The following ATXN3 variants were observed in gnomAD, a reference collection of about 807,000 sequenced individuals.
The protein encoded by ATXN3 is ataxin 3.
Under a neutral mutation model 58.2 loss-of-function variants are expected in ATXN3, and 28 were observed. The ratio of observed to expected loss-of-function variants is 0.48; its 90% CI spans 0.36 to 0.66. The LOEUF is 0.66. Ranked by LOEUF, ATXN3 falls within the 30% of genes least tolerant of loss-of-function variation. ATXN3 has a pLI of 0.00. For synonymous variants in ATXN3, 113 were observed against 138.5 expected, an observed-to-expected ratio of 0.82 and a Z score of 1.29; for missense variants, 321 against 422.1, an observed-to-expected ratio of 0.76 and a Z score of 2.10.
At chr14:92,086,088 A>C (rs1194821448) in intron 6 of ATXN3, among the ~76,000 whole-genome samples, 2 of 152,044 alleles carry the variant, frequency 1.3e-5, no homozygotes, top group African/African-American at 4.8e-5. Flanking sequence ...GCATGCCAGC[A>C]CTCAAATTGT....
In ATXN3 at chr14:92,099,396, C is replaced by T. The variant is rs747666820; in HGVS notation, c.25-2558G>A. On this transcript the variant is annotated intron_variant, in intron 1 of 10. Coordinates refer to ENST00000644486, the MANE Select transcript of ATXN3 (RefSeq NM_004993.6). ...TGAGATAAGTTTATCTTCAACTTTT[C>T]GTAAGGAATAAGTAGCTTGGAGCTA... Among the ~76,000 whole-genome samples the T allele has an allele frequency of 9.9e-5, 15 of 152,186 alleles. 1 individual carries two copies. The highest frequency in any genetic ancestry group is 9.6e-4 in the East Asian group (5 of 5,200).
At chr14:92,054,607 T>G (rs963212308), downstream of ATXN3, among the ~76,000 whole-genome samples, 1 of 152,242 alleles carries the variant, frequency 6.6e-6, no homozygotes, top group Admixed American at 6.5e-5. Flanking sequence ...CCAGCAGCCC[T>G]CAGGGCTGCT....
At position 92,059,059 on chromosome 14, in the gene ATXN3, C is replaced by T. The variant is rs1566889485; in HGVS notation, c.*5261G>A. Reference sequence around the variant, plus strand: ...ATCCATTTATATTTTACTAATGTTTCTCATTGCTTTGTCTATGAATCCACA... The same window carrying T: ...ATCCATTTATATTTTACTAATGTTTTTCATTGCTTTGTCTATGAATCCACA... On this transcript the variant is annotated 3_prime_UTR_variant, in exon 11 of 11. Coordinates refer to ENST00000644486, the MANE Select transcript of ATXN3 (RefSeq NM_004993.6). 1.3e-5 allele frequency: 2 copies of T among 151,984 alleles called. No homozygotes were observed. The highest frequency in any genetic ancestry group is 2.1e-4 in the South Asian group (1 of 4,830). 9.4% of individuals were successfully genotyped at this position (151,984 alleles called of 1,614,324 possible). A position where few individuals can be genotyped will look rare whatever the true frequency, so the allele number is the denominator to read the frequency against.
At chr14:92,050,075 T>C (rs1238799249), upstream of ATXN3, among the ~76,000 whole-genome samples, 3 of 152,056 alleles carry the variant, frequency 2.0e-5, no homozygotes, top group East Asian at 3.9e-4. Context: ...ACTTAATAAA[T>C]AATGTGATAA....
intron 10 of ATXN3, among the ~76,000 whole-genome samples, chr14:92,066,855 C>T (rs1158830794): frequency 4.6e-5 from 7 of 151,742 alleles, no homozygotes; most frequent in African/African-American, 1.5e-4. Context: ...CTGCAACCGT[C>T]GCCTCCCAGG....
At chr14:92,093,702 A>C (rs766197800) in intron 4 of ATXN3, 44 bp downstream of exon 4, 25 of 1,401,224 alleles carry the variant, frequency 1.8e-5, no homozygotes, top group Non-Finnish European at 2.5e-5. Context: ...TTTAAAAATC[A>C]AATTTGGGAA....
chr14:92,045,874 T>C (rs192275079), intron 2 of ATXN3, among the ~76,000 whole-genome samples: 30 of 152,256 alleles, frequency 2.0e-4, no homozygotes, highest in African/African-American at 7.0e-4. Flanking sequence ...AAACTGGCCG[T>C]GAGGGACAGA....
intron 9 of ATXN3, among the ~76,000 whole-genome samples, chr14:92,078,988 C>T (rs1003976537): frequency 6.6e-6 from 1 of 151,952 alleles, no homozygotes; most frequent in South Asian, 2.1e-4. Context: ...GAGTTTAAGG[C>T]CAGCCTGGAC....
At chr14:92,046,262 TAGC>T (rs1426438036) in intron 2 of ATXN3, 2 of 152,238 alleles carry the variant, frequency 1.3e-5, no homozygotes, top group African/African-American at 4.8e-5. Flanking sequence ...GATACTACTA[TAGC>T]ATAGCCCACC....
Position 92,059,030 on chromosome 14 carries a change from G to A in ATXN3, c.*5290C>T, listed in dbSNP as rs1364044216. The A allele has an allele frequency of 2.0e-5, 3 of 151,446 alleles. No homozygotes were observed. The highest frequency in any genetic ancestry group is 4.4e-5 in the Non-Finnish European group (3 of 67,958). 9.4% of individuals were successfully genotyped at this position (151,446 alleles called of 1,614,324 possible). ...ATTGAGAGCTTCCTAAATGCATCAG[G>A]AATATCCATTTATATTTTACTAATG... On this transcript the variant is annotated 3_prime_UTR_variant, in exon 11 of 11. Transcript: ENST00000644486.
chr14:92,078,207 C>T (rs2060781687), intron 9 of ATXN3, among the ~76,000 whole-genome samples: 1 of 151,858 alleles, frequency 6.6e-6, no homozygotes, highest in Non-Finnish European at 1.5e-5. Flanking sequence ...ACTCCTGACC[C>T]TCCTGACCTC....
chr14:92,074,012 C>CA (rs554711538), intron 9 of ATXN3, among the ~76,000 whole-genome samples: 2,589 of 74,214 alleles, frequency 0.035, 46 homozygotes, highest in Non-Finnish European at 0.045. Context: ...GACTCCACCT[C>CA]AAAAAAAAAA....
chr14:92,097,583 T>TGG (rs1566980032), intron 1 of ATXN3, among the ~76,000 whole-genome samples: 4 of 151,262 alleles, frequency 2.6e-5, no homozygotes, highest in South Asian at 2.1e-4. Flanking sequence ...TGGAGTGCAG[T>TGG]GGCATGATCT....
intron 9 of ATXN3, among the ~76,000 whole-genome samples, chr14:92,075,815 G>C (rs937593822): frequency 5.3e-5 from 8 of 152,178 alleles, no homozygotes; most frequent in African/African-American, 1.9e-4. Context: ...ACAAGGTTTT[G>C]AATGCAAGCC....
At chr14:92,077,823 T>C (rs1430401261) in intron 9 of ATXN3, among the ~76,000 whole-genome samples, 2 of 151,830 alleles carry the variant, frequency 1.3e-5, no homozygotes, top group East Asian at 1.9e-4. Flanking sequence ...TTTTTTGTAT[T>C]TTTAGTAGAG....
At chr14:92,045,100 A>T (rs2057420128) in intron 2 of ATXN3, 1 of 152,220 alleles carries the variant, frequency 6.6e-6, no homozygotes, top group Non-Finnish European at 1.5e-5. Flanking sequence ...AAAAGTTCAA[A>T]TGGACTGTAC....
chr14:92,049,077 T>C (rs56784518), intron 1 of ATXN3, among the ~76,000 whole-genome samples: 6,726 of 152,150 alleles, frequency 0.044, 446 homozygotes, highest in African/African-American at 0.14. Flanking sequence ...GAACTACTGT[T>C]GAGTTTGTAT....
At chr14:92,085,413 C>T (rs1478497546) in intron 6 of ATXN3, among the ~76,000 whole-genome samples, 2 of 152,036 alleles carry the variant, frequency 1.3e-5, no homozygotes, top group African/African-American at 4.8e-5. Flanking sequence ...GTCTCATCAA[C>T]TCCTGACCTC....
rs562293120 is a variant in ATXN3, at chr14:92,048,305, C to T, written n.185-318G>A. On this transcript the variant is annotated intron_variant and non_coding_transcript_variant, in intron 1 of 2. Coordinates refer to the ATXN3 transcript ENST00000564606. ...GGCAAGGAATTGCAACTCAGAAATACGTTACTACTTGGCTGCCTCTACTCT... is the reference window on the plus strand; with the variant it reads ...GGCAAGGAATTGCAACTCAGAAATATGTTACTACTTGGCTGCCTCTACTCT... 7.9e-5 allele frequency among the ~76,000 whole-genome samples: 12 copies of T among 152,298 alleles called. 1 individual carries two copies. The South Asian group carries it at 2.1e-3, about 26-fold the overall frequency.
Sources: gnomAD v4.1 joint callset for allele counts (sites outside exome capture counted in the v4.1 genomes callset) on GRCh38, gnomAD v4.1.1 for gene constraint, MANE v1.5 for transcripts, NCBI Gene and HGNC (gene_info 2026-07-23, HGNC 2026-07-21) for gene names.